Variants in TRAM2 observed in about 807,000 individuals in gnomAD.
TRAM2 encodes translocation associated membrane protein 2, also known as translocating chain-associated membrane protein 2.
A neutral mutation model predicts 51.0 loss-of-function variants in TRAM2; 12 were observed. The observed-to-expected ratio is 0.24, with a 90% CI of 0.15 to 0.38. TRAM2 has a LOEUF of 0.38. TRAM2 is among the 10% of genes least tolerant of loss of function. The pLI is 1.00. For missense variants in TRAM2, 361 were observed against 462.0 expected (o/e 0.78, Z 2.00); for synonymous variants, 175 against 179.4 (o/e 0.98, Z 0.20).
chr6:52,563,597 T>C (rs1196731557), intron 1 of TRAM2, among the ~76,000 whole-genome samples: 1 of 148,032 alleles, frequency 6.8e-6, no homozygotes, highest in Non-Finnish European at 1.5e-5. Context: ...TTGGCGCCTC[T>C]AGTCCCAGCT....
chr6:52,521,970 C>CG (rs879366883), intron 2 of TRAM2, among the ~76,000 whole-genome samples: 45 of 152,152 alleles, frequency 3.0e-4, no homozygotes, highest in African/African-American at 8.9e-4. Flanking sequence ...CTACAGGGAC[C>CG]GGGGGGAGCA....
intron 4 of TRAM2, 195 bp downstream of exon 4, chr6:52,515,811 C>A: frequency 1.8e-6 from 1 of 565,368 alleles, no homozygotes; most frequent in South Asian, 2.3e-5. Context: ...AAAATGGCAT[C>A]TCTCTGTAAT....
At chr6:52,506,684 A>G (rs528705050) in intron 7 of TRAM2, among the ~76,000 whole-genome samples, 7 of 152,262 alleles carry the variant, frequency 4.6e-5, no homozygotes, top group African/African-American at 1.4e-4. Context: ...ACACATGACC[A>G]TCCAACACAA....
chr6:52,568,074 GT>G (rs1288468320), intron 1 of TRAM2, among the ~76,000 whole-genome samples: 11 of 152,214 alleles, frequency 7.2e-5, no homozygotes, highest in Non-Finnish European at 1.5e-4. Context: ...CATGAAGCAG[GT>G]GAGCCCCAGA....
rs567848970 is a variant in TRAM2 at position 52,528,381 on chromosome 6, C to T, written c.184+7402G>A. 3.9e-5 allele frequency among the ~76,000 whole-genome samples: 6 copies of T among 152,138 alleles called. No individual in the cohort carries two copies. The South Asian group carries it at 1.2e-3, about 32-fold the overall frequency. ...CCACCGCTGCCCACCTGTCTCTTTC[C>T]TTTCTTGACCCCCATGAGCTCATCT... On this transcript the variant is annotated intron_variant, in intron 2 of 10. Transcript: ENST00000182527.
intron 2 of TRAM2, among the ~76,000 whole-genome samples, chr6:52,528,886 C>CTTT (rs144917424): frequency 1.0e-4 from 13 of 128,508 alleles, no homozygotes; most frequent in South Asian, 2.5e-4. Flanking sequence ...GTGTACATGA[C>CTTT]TTTTTTTTTT....
rs570619943 is a variant in TRAM2, at chr6:52,526,524, T to C, written c.184+9259A>G. ...GCCTCGGCCTCCTGAGTAGCTGGAA[T>C]TACAGGTGTGCCCCACCACACCCAG... is the stretch of plus-strand genomic sequence containing the variant. On this transcript the variant is annotated intron_variant, in intron 2 of 10. Transcript: ENST00000182527. Among the ~76,000 whole-genome samples, 26 of 152,196 alleles carry C rather than the reference T, an allele frequency of 1.7e-4. No individual in the cohort carries two copies. In the East Asian group the frequency reaches 5.0e-3, roughly 29 times the overall value.
At position 52,552,701 on chromosome 6, in the gene TRAM2, C is replaced by T. The variant is rs186977805; in HGVS notation, c.121-16855G>A. ...TTGGAAATCTCTGCTGTAGCAGCCA[C>T]TTCTATTCCGGCGACACTCAGATCT... is the stretch of plus-strand genomic sequence containing the variant. On this transcript the variant is annotated intron_variant, in intron 1 of 10. Coordinates refer to ENST00000182527, the MANE Select transcript of TRAM2 (RefSeq NM_012288.4). Among the ~76,000 whole-genome samples the T allele has an allele frequency of 1.6e-4, 25 of 152,362 alleles. 1 individual carries two copies. Among genetic ancestry groups the T allele is most frequent in the Admixed American group, 1.2e-3 (18 of 15,310 alleles).
intron 2 of TRAM2, among the ~76,000 whole-genome samples, chr6:52,517,679 AC>A (rs1766576975): frequency 6.6e-6 from 1 of 152,104 alleles, no homozygotes; most frequent in Non-Finnish European, 1.5e-5. Context: ...TGCAACCCCC[AC>A]CTCCACCAGG....
intron 1 of TRAM2, among the ~76,000 whole-genome samples, chr6:52,557,376 G>C (rs933192820): frequency 6.6e-6 from 1 of 152,132 alleles, no homozygotes; most frequent in Non-Finnish European, 1.5e-5. Flanking sequence ...CTGTATATCA[G>C]GTTCTATAAG....
intron 1 of TRAM2, among the ~76,000 whole-genome samples, chr6:52,548,978 G>C (rs1562485886): frequency 1.3e-5 from 2 of 152,286 alleles, no homozygotes; most frequent in South Asian, 4.1e-4. Context: ...GCGGTGATTT[G>C]AGCCAGAAAC....
rs1324608075 is a variant in TRAM2 at position 52,502,628 on chromosome 6, G to A, written c.*569C>T. 1.3e-5 allele frequency: 2 copies of A among 152,954 alleles called. No homozygotes were observed. The highest frequency in any genetic ancestry group is 2.9e-5 in the Non-Finnish European group (2 of 68,652). The allele number at this position is 152,954 out of a possible 1,614,324, so 9.5% of individuals were successfully genotyped here. On this transcript the variant is annotated 3_prime_UTR_variant, in exon 11 of 11. Transcript: ENST00000182527. ...GCCTCAAGATGGTACATGCAGAACT[G>A]GAATCATATATCTCGTCAGTTAATC...
In TRAM2 at chr6:52,535,018, C is replaced by T. The variant is rs551193895; in HGVS notation, c.184+765G>A. 3.1e-4 allele frequency among the ~76,000 whole-genome samples: 47 copies of T among 152,322 alleles called. 1 individual carries two copies. Among genetic ancestry groups the T allele is most frequent in the African/African-American group, 1.1e-3 (44 of 41,578 alleles). On this transcript the variant is annotated intron_variant, in intron 2 of 10. Coordinates refer to ENST00000182527, the MANE Select transcript of TRAM2 (RefSeq NM_012288.4). Reference sequence around the variant, plus strand: ...CCTTAACAACAGTCCTGTGACAAGACTTGTGGCTGGGCCTGAGGTTTGGTC... The same window carrying T: ...CCTTAACAACAGTCCTGTGACAAGATTTGTGGCTGGGCCTGAGGTTTGGTC...
At chr6:52,528,886 CT>C (rs144917424) in intron 2 of TRAM2, among the ~76,000 whole-genome samples, 1,385 of 128,380 alleles carry the variant, frequency 0.011, 12 homozygotes, top group African/African-American at 0.013. Flanking sequence ...GTGTACATGA[CT>C]TTTTTTTTTT....
chr6:52,568,947 T>C (rs1767632238), intron 1 of TRAM2, among the ~76,000 whole-genome samples: 1 of 152,068 alleles, frequency 6.6e-6, no homozygotes, highest in South Asian at 2.1e-4. Flanking sequence ...CCACCAGAGG[T>C]ACAATCATCA....
At chr6:52,551,170 A>T (rs1166699818) in intron 1 of TRAM2, among the ~76,000 whole-genome samples, 1 of 152,146 alleles carries the variant, frequency 6.6e-6, no homozygotes, top group Non-Finnish European at 1.5e-5. Context: ...TGAGGACACC[A>T]CTGGCCTCAG....
chr6:52,520,327 G>C (rs1273442118), intron 2 of TRAM2, among the ~76,000 whole-genome samples: 1 of 152,200 alleles, frequency 6.6e-6, no homozygotes, highest in Non-Finnish European at 1.5e-5. Flanking sequence ...GCTACTGGAG[G>C]ATTTTCGTCA....
At chr6:52,558,961 CAGAG>C (rs146494416) in intron 1 of TRAM2, among the ~76,000 whole-genome samples, 3 of 151,902 alleles carry the variant, frequency 2.0e-5, no homozygotes, top group Non-Finnish European at 2.9e-5. Context: ...TATTTATTAA[CAGAG>C]AGAGAGAGAA....
chr6:52,568,905 G>C (rs905203198), intron 1 of TRAM2, among the ~76,000 whole-genome samples: 24 of 152,292 alleles, frequency 1.6e-4, no homozygotes, highest in African/African-American at 4.8e-4. Flanking sequence ...TTCAAAGGCA[G>C]GGCAACTGAG....
Sources: allele counts gnomAD v4.1 joint callset (sites outside exome capture counted in the v4.1 genomes callset), GRCh38; gene constraint gnomAD v4.1.1; transcripts MANE v1.5; gene names NCBI Gene and HGNC (gene_info 2026-07-23, HGNC 2026-07-21).